CHRM3: variants seen among roughly 807,000 people sequenced by gnomAD.
CHRM3 encodes cholinergic receptor muscarinic 3.
Under a neutral mutation model 41.8 loss-of-function variants are expected in CHRM3, and 11 were observed. That is an observed-to-expected ratio of 0.26 (90% CI 0.17 to 0.44). The LOEUF is 0.44. Ranked by LOEUF, CHRM3 falls within the 20% of genes least tolerant of loss-of-function variation. The pLI is 1.00. For missense variants in CHRM3, 571 were observed against 745.4 expected (o/e 0.77, Z 2.72); for synonymous variants, 297 against 301.4 (o/e 0.99, Z 0.15).
At chr1:239,614,139 C>T (rs1667370631) in intron 3 of CHRM3, among the ~76,000 whole-genome samples, 1 of 152,076 alleles carries the variant, frequency 6.6e-6, no homozygotes, top group Non-Finnish European at 1.5e-5. Flanking sequence ...TGCACTCAAG[C>T]CTGGGTGACA....
chr1:239,550,014 A>G (rs905152138), intron 3 of CHRM3, among the ~76,000 whole-genome samples: 7 of 152,024 alleles, frequency 4.6e-5, no homozygotes, highest in South Asian at 2.1e-4. Flanking sequence ...AGCCTGCTCA[A>G]TGGTGACTGG....
At chr1:239,630,896 G>C (rs982788983) in intron 3 of CHRM3, among the ~76,000 whole-genome samples, 1 of 151,970 alleles carries the variant, frequency 6.6e-6, no homozygotes, top group East Asian at 1.9e-4. Flanking sequence ...AGGGAGGGCC[G>C]GGGGAGGGCA....
chr1:239,523,593 T>G (rs61387639), intron 2 of CHRM3, among the ~76,000 whole-genome samples: 269 of 152,342 alleles, frequency 1.8e-3, no homozygotes, highest in African/African-American at 6.2e-3. Flanking sequence ...TCTCATTGGA[T>G]GACCCTCTCT....
chr1:239,695,817 G>A (rs1279331776), intron 5 of CHRM3, among the ~76,000 whole-genome samples: 4 of 152,038 alleles, frequency 2.6e-5, no homozygotes, highest in Non-Finnish European at 5.9e-5. Flanking sequence ...ATGAGATTTT[G>A]AACTAGACTT....
chr1:239,591,081 T>C (rs190630748), intron 3 of CHRM3, among the ~76,000 whole-genome samples: 2 of 152,310 alleles, frequency 1.3e-5, no homozygotes, highest in East Asian at 1.9e-4. Flanking sequence ...GTGTGTTACA[T>C]TGAAAGTTAT....
At chr1:239,640,321 A>G (rs1203421013) in intron 4 of CHRM3, among the ~76,000 whole-genome samples, 1 of 152,146 alleles carries the variant, frequency 6.6e-6, no homozygotes, top group Non-Finnish European at 1.5e-5. Context: ...TATTGATTGG[A>G]ATAGTTTCAG....
rs560736972 is a variant in CHRM3, at chr1:239,475,682, T to G, written c.-520-17027T>G. On this transcript the variant is annotated intron_variant, in intron 1 of 6. Transcript: ENST00000676153. ...ACTCATTGATTACAACAAATACTAA[T>G]GTAACATGCTAATAATAGGGAAAAC... is the stretch of plus-strand genomic sequence containing the variant. Among the ~76,000 whole-genome samples the G allele has an allele frequency of 2.6e-5, 4 of 152,248 alleles. No homozygotes were observed. In the East Asian group the frequency reaches 7.7e-4, roughly 29 times the overall value.
chr1:239,616,973 C>T (rs918506237), intron 3 of CHRM3, among the ~76,000 whole-genome samples: 1 of 151,822 alleles, frequency 6.6e-6, no homozygotes, highest in African/African-American at 2.4e-5. Context: ...TATCTAGACT[C>T]AAGAGCACAT....
At chr1:239,610,803 C>T (rs1247908156) in intron 3 of CHRM3, among the ~76,000 whole-genome samples, 1 of 152,144 alleles carries the variant, frequency 6.6e-6, no homozygotes, top group Non-Finnish European at 1.5e-5. Flanking sequence ...CCTGTAATCC[C>T]AGCACTTTGG....
chr1:239,501,908 T>C (rs1668265916), intron 2 of CHRM3, among the ~76,000 whole-genome samples: 2 of 152,004 alleles, frequency 1.3e-5, no homozygotes, highest in African/African-American at 4.8e-5. Flanking sequence ...TATCAAAACC[T>C]CTGGGATACA....
In CHRM3 at chr1:239,466,763, C is replaced by T. The variant is rs763460153; in HGVS notation, c.-520-25946C>T. ...ACAGGCATGAGCCACCGTATCTAGC[C>T]GCATTTAGTATTTTAAATTATAGAT... On this transcript the variant is annotated intron_variant, in intron 1 of 6. Transcript: ENST00000676153. Among the ~76,000 whole-genome samples the T allele has an allele frequency of 7.2e-5, 11 of 151,962 alleles. No homozygotes were observed. The South Asian group carries it at 8.3e-4, about 11-fold the overall frequency.
intron 4 of CHRM3, among the ~76,000 whole-genome samples, chr1:239,657,886 G>A (rs537205238): frequency 1.3e-5 from 2 of 151,888 alleles, no homozygotes; most frequent in East Asian, 3.9e-4. Context: ...CATTCTTCAC[G>A]ATTGTTTGGA....
At chr1:239,816,836 T>C (rs147906291) in intron 5 of CHRM3, among the ~76,000 whole-genome samples, 1,880 of 150,892 alleles carry the variant, frequency 0.012, 45 homozygotes, top group African/African-American at 0.044. Flanking sequence ...GTTCAAGCAA[T>C]TCTCCTGCCT....
At position 239,894,767 on chromosome 1, in the gene CHRM3, A is replaced by G. The variant is rs551825436; in HGVS notation, c.-19-12666A>G. 1.7e-4 allele frequency among the ~76,000 whole-genome samples: 26 copies of G among 152,108 alleles called. 1 individual carries two copies. The highest frequency in any genetic ancestry group is 5.5e-4 in the African/African-American group (23 of 41,498). ...TCCATTTATAAAGCTTAACCCACCAACAACTGTATCAGAGGCTTTACCTCC... is the reference window on the plus strand; with the variant it reads ...TCCATTTATAAAGCTTAACCCACCAGCAACTGTATCAGAGGCTTTACCTCC... On this transcript the variant is annotated intron_variant, in intron 6 of 6. Transcript: ENST00000676153.
chr1:239,894,818 C>G (rs2102968384), intron 6 of CHRM3, among the ~76,000 whole-genome samples: 1 of 152,160 alleles, frequency 6.6e-6, no homozygotes, highest in Non-Finnish European at 1.5e-5. Flanking sequence ...CTTAACCATA[C>G]AGTATTACTA....
chr1:239,476,463 C>CAAAAAA, intron 1 of CHRM3, among the ~76,000 whole-genome samples: 1 of 117,702 alleles, frequency 8.5e-6, no homozygotes. Flanking sequence ...AGACTCCATC[C>CAAAAAA]AAAAAAAAAA....
At chr1:239,588,098 A>C (rs1180969124) in intron 3 of CHRM3, among the ~76,000 whole-genome samples, 1 of 152,200 alleles carries the variant, frequency 6.6e-6, no homozygotes, top group Non-Finnish European at 1.5e-5. Flanking sequence ...CTGCATAAAA[A>C]CTTTTGAATA....
chr1:239,540,487 G>T (rs930773345), intron 2 of CHRM3, among the ~76,000 whole-genome samples: 6 of 152,106 alleles, frequency 3.9e-5, no homozygotes, highest in Non-Finnish European at 7.4e-5. Flanking sequence ...TTATTATCTT[G>T]CACCAGAAGA....
rs372204326 is a variant in CHRM3 at position 239,430,781 on chromosome 1, C to CT, written c.-521+43565dup. Among the ~76,000 whole-genome samples the CT allele has an allele frequency of 2.9e-3, 411 of 140,856 alleles. 8 individuals carry two copies. The East Asian group carries it at 0.056, about 19-fold the overall frequency. The allele number at this position is 140,856 out of a possible 152,430, so 92.4% of individuals were successfully genotyped here. A position where few individuals can be genotyped will look rare whatever the true frequency, so the allele number is the denominator to read the frequency against. ...AGTCTGATTAGAGTTTAGCTTTTTG[C>CT]TTTTTTTTTTTGGCATTTCTTTTTG... is the stretch of plus-strand genomic sequence containing the variant. On this transcript the variant is annotated intron_variant, in intron 1 of 6. Transcript: ENST00000676153.
Sources: gnomAD v4.1 joint callset for allele counts (sites outside exome capture counted in the v4.1 genomes callset) on GRCh38, gnomAD v4.1.1 for gene constraint, MANE v1.5 for transcripts, NCBI Gene and HGNC (gene_info 2026-07-23, HGNC 2026-07-21) for gene names.